Variants in NCOR1 observed in about 807,000 individuals in gnomAD.
NCOR1 encodes nuclear receptor corepressor 1.
Under a neutral mutation model 288.1 loss-of-function variants are expected in NCOR1, and 63 were observed. The observed-to-expected ratio is 0.22, with a 90% CI of 0.18 to 0.27. The LOEUF (loss-of-function observed/expected upper bound fraction) is 0.27, where lower values mean the gene tolerates loss of function less well. NCOR1 is among the 10% of genes least tolerant of loss of function. The probability of loss-of-function intolerance (pLI) is 1.00; values close to 1 mark genes in which losing one functional copy is unlikely to be tolerated. For synonymous variants in NCOR1, 1,007 were observed against 1,065.9 expected, an observed-to-expected ratio of 0.94 and a Z score of 1.08; for missense variants, 2,397 against 3,019.2, an observed-to-expected ratio of 0.79 and a Z score of 4.83.
chr17:16,156,857 A>C (rs2079891551), intron 6 of NCOR1, among the ~76,000 whole-genome samples: 1 of 152,194 alleles, frequency 6.6e-6, no homozygotes, highest in African/African-American at 2.4e-5. Context: ...TCAGTCCTCA[A>C]ATCCCAGTGA....
At chr17:16,147,725 C>T (rs2078209421) in intron 9 of NCOR1, among the ~76,000 whole-genome samples, 1 of 152,188 alleles carries the variant, frequency 6.6e-6, no homozygotes, top group South Asian at 2.1e-4. Context: ...ATCTTTTCTC[C>T]TTTCTACTGC....
At chr17:16,127,067 G>A (rs1259973387) in intron 14 of NCOR1, among the ~76,000 whole-genome samples, 3 of 151,516 alleles carry the variant, frequency 2.0e-5, no homozygotes, top group Admixed American at 6.6e-5. Flanking sequence ...ATTCCTTACT[G>A]TGCCTAATAT....
At chr17:16,102,917 C>A (rs2153009263) in intron 19 of NCOR1, among the ~76,000 whole-genome samples, 1 of 152,262 alleles carries the variant, frequency 6.6e-6, no homozygotes, top group Non-Finnish European at 1.5e-5. Context: ...TTAAACTAGC[C>A]AAATTTCAAG....
At chr17:16,187,047 G>C (rs1444697574) in intron 2 of NCOR1, among the ~76,000 whole-genome samples, 1 of 152,106 alleles carries the variant, frequency 6.6e-6, no homozygotes, top group Non-Finnish European at 1.5e-5. Flanking sequence ...GCTGGAAGAA[G>C]GGTAATGGAA....
At chr17:16,177,535 A>G (rs178831) in intron 3 of NCOR1, among the ~76,000 whole-genome samples, 97,387 of 151,962 alleles carry the variant, frequency 0.64, 32,725 homozygotes, top group African/African-American at 0.85. Flanking sequence ...TCTGGCATGT[A>G]GTCATCTTCT....
At chr17:16,125,937 C>G in intron 15 of NCOR1, 145 bp downstream of exon 15, 2 of 471,012 alleles carry the variant, frequency 4.2e-6, no homozygotes, top group Non-Finnish European at 7.3e-6. Flanking sequence ...ATAATGTACA[C>G]TATTTGGGCG....
chr17:16,147,444 G>A (rs1379939478), intron 9 of NCOR1, among the ~76,000 whole-genome samples: 2 of 152,174 alleles, frequency 1.3e-5, no homozygotes, highest in East Asian at 3.9e-4. Flanking sequence ...ACGTGAAATT[G>A]AGAATTAATG....
At chr17:16,211,889 A>G (rs1021571071) in intron 1 of NCOR1, among the ~76,000 whole-genome samples, 2 of 152,224 alleles carry the variant, frequency 1.3e-5, no homozygotes, top group Non-Finnish European at 1.5e-5. Flanking sequence ...GCTCTTAAAA[A>G]GTGCTAATAG....
chr17:16,055,245 T>C (rs150293946), intron 40 of NCOR1, among the ~76,000 whole-genome samples: 224 of 152,338 alleles, frequency 1.5e-3, no homozygotes, highest in African/African-American at 4.5e-3. Context: ...TGTAGCACTA[T>C]TGACAACAGC....
intron 37 of NCOR1, among the ~76,000 whole-genome samples, chr17:16,058,884 T>TA (rs1390791729): frequency 6.0e-5 from 9 of 150,680 alleles, no homozygotes; most frequent in Non-Finnish European, 1.0e-4. Flanking sequence ...CTGTCTCTAC[T>TA]AAAAAAAATA....
chr17:16,095,546 C>T, intron 21 of NCOR1, among the ~76,000 whole-genome samples: 1 of 126,366 alleles, frequency 7.9e-6, no homozygotes, highest in Non-Finnish European at 1.7e-5. Flanking sequence ...GTTGGGGGGT[C>T]AGCCCCCCGC....
At chr17:16,069,603 A>C (rs1168986572) in intron 31 of NCOR1, among the ~76,000 whole-genome samples, 1 of 152,182 alleles carries the variant, frequency 6.6e-6, no homozygotes, top group Non-Finnish European at 1.5e-5. Context: ...CAACAGGAAT[A>C]ATTCACATTT....
chr17:16,062,778 T>C (rs1301393333), intron 35 of NCOR1, among the ~76,000 whole-genome samples: 1 of 152,186 alleles, frequency 6.6e-6, no homozygotes, highest in Non-Finnish European at 1.5e-5. Context: ...CAGGTGACTC[T>C]TTCTCTCAGC....
chr17:16,176,562 C>CCCGGCCTCTA (rs1234837444), intron 3 of NCOR1, among the ~76,000 whole-genome samples: 1 of 152,184 alleles, frequency 6.6e-6, no homozygotes, highest in African/African-American at 2.4e-5. Flanking sequence ...AGCCACCACG[C>CCCGGCCTCTA]CCGGCCTCTT....
intron 30 of NCOR1, 32 bp from the exon 31 acceptor site, chr17:16,070,557 CA>C: frequency 6.3e-7 from 1 of 1,595,350 alleles, no homozygotes; most frequent in Non-Finnish European, 8.5e-7. Flanking sequence ...TTACAGGTAG[CA>C]AAGTCATCTG....
chr17:16,141,105 A>G (rs2077091351), intron 11 of NCOR1, among the ~76,000 whole-genome samples: 1 of 152,150 alleles, frequency 6.6e-6, no homozygotes, highest in South Asian at 2.1e-4. Context: ...TCATAAATGT[A>G]TTCCAAAAGA....
chr17:16,091,407 G>C (rs1033838587), intron 22 of NCOR1, among the ~76,000 whole-genome samples: 1 of 152,200 alleles, frequency 6.6e-6, no homozygotes, highest in African/African-American at 2.4e-5. Flanking sequence ...TGGCCACACA[G>C]CTGGCAAATG....
intron 22 of NCOR1, among the ~76,000 whole-genome samples, chr17:16,090,394 C>T (rs942249667): frequency 7.2e-5 from 11 of 152,064 alleles, no homozygotes; most frequent in African/African-American, 9.7e-5. Flanking sequence ...TTTCCACTGA[C>T]GGATTTCCTC....
chr17:16,109,044 T>TGGTTAA, intron 18 of NCOR1, 132 bp from the exon 19 acceptor site: 1 of 710,106 alleles, frequency 1.4e-6, no homozygotes, highest in Admixed American at 3.8e-5. Context: ...ACAATAGTTC[T>TGGTTAA]GGTTAAAGTG....
Sources: allele counts gnomAD v4.1 joint callset (sites outside exome capture counted in the v4.1 genomes callset), GRCh38; gene constraint gnomAD v4.1.1; transcripts MANE v1.5; gene names NCBI Gene and HGNC (gene_info 2026-07-23, HGNC 2026-07-21).